NFKB1: variants seen among roughly 807,000 people sequenced by gnomAD.
NFKB1 encodes the protein nuclear factor NF-kappa-B p105 subunit.
NFKB1 carries 9 observed loss-of-function variants against 105.1 expected under a neutral mutation model. The observed-to-expected ratio is 0.09, with a 90% CI of 0.05 to 0.15. The LOEUF is 0.15. Ranked by LOEUF, NFKB1 falls within the 10% of genes least tolerant of loss-of-function variation. NFKB1 has a pLI of 1.00. For synonymous variants in NFKB1, 440 were observed against 442.2 expected, an observed-to-expected ratio of 1.00 and a Z score of 0.06; for missense variants, 830 against 1,203.7, an observed-to-expected ratio of 0.69 and a Z score of 4.59.
intron 23 of NFKB1, among the ~76,000 whole-genome samples, chr4:102,616,211 G>C (rs1444126222): frequency 2.0e-5 from 3 of 152,258 alleles, no homozygotes; most frequent in Non-Finnish European, 4.4e-5. Context: ...AGGAAGATGT[G>C]AAAGCATTTG....
intron 6 of NFKB1, among the ~76,000 whole-genome samples, chr4:102,571,451 A>G (rs1301233873): frequency 1.3e-5 from 2 of 152,240 alleles, no homozygotes; most frequent in Non-Finnish European, 1.5e-5. Context: ...AAACACCAAA[A>G]GCAATGGCAA....
At chr4:102,562,792 G>T (rs1723543763) in intron 5 of NFKB1, among the ~76,000 whole-genome samples, 1 of 152,204 alleles carries the variant, frequency 6.6e-6, no homozygotes, top group African/African-American at 2.4e-5. Context: ...CTGCTGCTTA[G>T]TGCAGTAGAG....
intron 1 of NFKB1, among the ~76,000 whole-genome samples, chr4:102,502,386 G>GCACA (rs1739129826): frequency 9.8e-6 from 1 of 102,116 alleles, no homozygotes; most frequent in African/African-American, 6.4e-5. Context: ...GCGCGCGCGC[G>GCACA]CGCGCACACA....
intron 1 of NFKB1, among the ~76,000 whole-genome samples, chr4:102,508,207 T>C (rs954990419): frequency 6.6e-6 from 1 of 152,210 alleles, no homozygotes; most frequent in Non-Finnish European, 1.5e-5. Flanking sequence ...TAACCTTCAG[T>C]GTCTTTTTCT....
intron 5 of NFKB1, among the ~76,000 whole-genome samples, chr4:102,551,555 C>T (rs1233172050): frequency 6.6e-6 from 1 of 152,088 alleles, no homozygotes; most frequent in Non-Finnish European, 1.5e-5. Context: ...GTAAGAAGAA[C>T]GAATCACACC....
At chr4:102,542,830 A>T (rs1262219871) in intron 5 of NFKB1, among the ~76,000 whole-genome samples, 1 of 152,184 alleles carries the variant, frequency 6.6e-6, no homozygotes, top group Non-Finnish European at 1.5e-5. Context: ...TGTCTAGATA[A>T]AAATGTATTT....
intron 1 of NFKB1, among the ~76,000 whole-genome samples, chr4:102,522,266 T>C (rs1740623788): frequency 6.6e-6 from 1 of 152,240 alleles, no homozygotes; most frequent in Admixed American, 6.5e-5. Flanking sequence ...TCTTTTGACA[T>C]TTCATTTTTA....
chr4:102,600,064 G>T (rs1727006222), intron 15 of NFKB1, among the ~76,000 whole-genome samples: 1 of 152,198 alleles, frequency 6.6e-6, no homozygotes, highest in Non-Finnish European at 1.5e-5. Flanking sequence ...CTGCCCCAGA[G>T]ATGACAGGAC....
chr4:102,565,594 G>C (rs1389220010), intron 5 of NFKB1, among the ~76,000 whole-genome samples: 1 of 152,222 alleles, frequency 6.6e-6, no homozygotes, highest in East Asian at 1.9e-4. Flanking sequence ...ATTATTGGCA[G>C]GTTTAGGGTC....
intron 5 of NFKB1, among the ~76,000 whole-genome samples, chr4:102,565,586 T>C (rs766666597): frequency 1.2e-4 from 18 of 152,160 alleles, no homozygotes; most frequent in Non-Finnish European, 2.5e-4. Context: ...TTCCAAGTAT[T>C]ATTGGCAGGT....
chr4:102,523,654 C>G (rs1027422469), intron 1 of NFKB1, among the ~76,000 whole-genome samples: 6 of 152,180 alleles, frequency 3.9e-5, no homozygotes, highest in Non-Finnish European at 5.9e-5. Context: ...ATGGTCAGAG[C>G]AGATCTGTCT....
intron 1 of NFKB1, among the ~76,000 whole-genome samples, chr4:102,517,074 T>TA (rs1402894687): frequency 6.6e-6 from 1 of 152,222 alleles, no homozygotes; most frequent in African/African-American, 2.4e-5. Flanking sequence ...GGTCTTGTCC[T>TA]ACACTATCAC....
At chr4:102,589,196 T>C (rs1227820113) in intron 11 of NFKB1, among the ~76,000 whole-genome samples, 1 of 152,142 alleles carries the variant, frequency 6.6e-6, no homozygotes, top group Non-Finnish European at 1.5e-5. Context: ...AAAGGTAAAA[T>C]GAATACATAG....
chr4:102,574,851 C>A lies in NFKB1; in HGVS notation c.408-2025C>A, dbSNP rs1724683588. On this transcript the variant is annotated intron_variant, in intron 6 of 23. Transcript: ENST00000226574. The stretch of plus-strand genomic sequence containing the variant: ...ACCAGAGTAAATCCTTCATTATTCA[C>A]ATAATAAATTAATAAGGATGATGTT... Among the ~76,000 whole-genome samples, 3 of 152,228 alleles carry A rather than the reference C, an allele frequency of 2.0e-5. No individual in the cohort carries two copies. In the South Asian group the frequency reaches 6.2e-4, roughly 32 times the overall value.
intron 1 of NFKB1, among the ~76,000 whole-genome samples, chr4:102,509,425 A>C (rs1339728625): frequency 2.0e-5 from 3 of 152,316 alleles, no homozygotes; most frequent in East Asian, 3.9e-4. Context: ...AGTCAATCCA[A>C]GTTGCTTAGA....
Position 102,529,899 on chromosome 4 carries a change from A to G in NFKB1, c.103A>G (p.Met35Val), listed in dbSNP as rs1285815126. 1.9e-5 allele frequency: 31 copies of G among 1,609,950 alleles called. No homozygotes were observed. Among genetic ancestry groups the G allele is most frequent in the Admixed American group, 5.0e-5 (3 of 59,790 alleles). ...TAATCCAGAAGTATTTCAACCACAG[A>G]TGGCACTGCCAACAGGTAAGAAAAC... ...IFNPEVFQPQ[M>V]ALPTADGPYL... Residue 35 changes from methionine (M) to valine (V), a missense_variant, in exon 3 of 24, where the codon ATG becomes GTG. Around this residue, in one of 8 missense-constraint regions of NFKB1, gnomAD observed 46 missense variants for 48.3 expected, o/e 0.95. Transcript: ENST00000226574.
intron 2 of NFKB1, among the ~76,000 whole-genome samples, chr4:102,529,539 A>G (rs996759778): frequency 1.1e-4 from 16 of 152,302 alleles, no homozygotes; most frequent in African/African-American, 1.4e-4. Flanking sequence ...GGCCCTGAAG[A>G]TATACCAGTA....
rs373677778 is a variant in NFKB1 at position 102,563,443 on chromosome 4, CT to C, written c.259-3542del. Among the ~76,000 whole-genome samples, 435 of 151,514 alleles carry C rather than the reference CT, an allele frequency of 2.9e-3. 2 individuals are homozygous for C. Among genetic ancestry groups the C allele is most frequent in the African/African-American group, 0.01 (417 of 41,282 alleles). On this transcript the variant is annotated intron_variant, in intron 5 of 23. Coordinates refer to ENST00000226574, the MANE Select transcript of NFKB1 (RefSeq NM_003998.4). ...TCCAGCCACCTGCTTTTAGATAGTA[CT>C]TAAAAAAAAAACTTTCAGGATGGTC...
chr4:102,517,775 A>C (rs1040298204), intron 1 of NFKB1, among the ~76,000 whole-genome samples: 1 of 152,218 alleles, frequency 6.6e-6, no homozygotes, highest in Admixed American at 6.5e-5. Context: ...GATGCAGGGC[A>C]TATTGTGAAC....
Sources: gnomAD v4.1 joint callset for allele counts (sites outside exome capture counted in the v4.1 genomes callset) on GRCh38, gnomAD v4.1.1 for gene constraint, gnomAD v4.1.1 regional missense constraint, MANE v1.5 for transcripts, NCBI Gene and HGNC (gene_info 2026-07-23, HGNC 2026-07-21) for gene names.